MYO1D: variants seen among roughly 807,000 people sequenced by gnomAD.
The protein encoded by MYO1D is myosin ID, also known as unconventional myosin-Id.
MYO1D carries 83 observed loss-of-function variants against 122.0 expected under a neutral mutation model. The ratio of observed to expected loss-of-function variants is 0.68; its 90% confidence interval spans 0.57 to 0.82. MYO1D has a LOEUF of 0.82. MYO1D is among the 40% of genes least tolerant of loss of function. The pLI is 0.00. For synonymous variants in MYO1D, 464 were observed against 446.9 expected (o/e 1.04, Z -0.48); for missense variants, 1,157 against 1,269.5 (o/e 0.91, Z 1.35).
chr17:32,814,067 C>T (rs560369341), intron 1 of MYO1D, among the ~76,000 whole-genome samples: 56 of 152,256 alleles, frequency 3.7e-4, no homozygotes, highest in Admixed American at 1.1e-3. Flanking sequence ...CACTTCTTGC[C>T]AGGAGTGGTG....
At chr17:32,587,817 CCTT>C (rs2087404401) in intron 21 of MYO1D, among the ~76,000 whole-genome samples, 1 of 152,208 alleles carries the variant, frequency 6.6e-6, no homozygotes, top group Non-Finnish European at 1.5e-5. Context: ...CACAGACTCT[CCTT>C]TCTTCCCTTC....
At chr17:32,725,468 C>T (rs987364231) in intron 14 of MYO1D, among the ~76,000 whole-genome samples, 1 of 151,716 alleles carries the variant, frequency 6.6e-6, no homozygotes, top group East Asian at 1.9e-4. Context: ...TTGCAGTGAG[C>T]TGAGATCGCG....
At chr17:32,553,889 C>T (rs1335601377) in intron 21 of MYO1D, among the ~76,000 whole-genome samples, 1 of 152,184 alleles carries the variant, frequency 6.6e-6, no homozygotes. Context: ...CCCGTTCTCA[C>T]TGCTTAGATA....
intron 3 of MYO1D, 134 bp downstream of exon 3, chr17:32,778,346 G>T: frequency 1.6e-6 from 1 of 636,184 alleles, no homozygotes; most frequent in Non-Finnish European, 2.8e-6. Flanking sequence ...AATCAAAGTA[G>T]CTTAATCATC....
intron 1 of MYO1D, among the ~76,000 whole-genome samples, chr17:32,871,642 C>T (rs542343936): frequency 2.0e-5 from 3 of 152,176 alleles, no homozygotes; most frequent in Non-Finnish European, 4.4e-5. Flanking sequence ...GGAAGTCTAA[C>T]GTATATTTCA....
intron 16 of MYO1D, among the ~76,000 whole-genome samples, chr17:32,667,554 T>C (rs1002440287): frequency 3.9e-5 from 6 of 152,124 alleles, no homozygotes; most frequent in Non-Finnish European, 8.8e-5. Flanking sequence ...AATAAACAAA[T>C]GTAAAAATCA....
rs1399550423 is a variant in MYO1D at position 32,760,667 on chromosome 17, GA to G, written c.1036-41del. 1.9e-6 allele frequency: 3 copies of G among 1,577,322 alleles called. No homozygotes were observed. The African/African-American group carries it at 4.1e-5, about 21-fold the overall frequency. On this transcript the variant is annotated intron_variant, in intron 8 of 21. Coordinates refer to ENST00000318217, the MANE Select transcript of MYO1D (RefSeq NM_015194.3). ...GCATCATAAATGCTTGCCAATTTGG[GA>G]ATGAGTCCTCTGTTTGGATTTGTGA...
rs538794961 is a variant in MYO1D, at chr17:32,625,175, C to G, written c.2709+13547G>C. 5.9e-5 allele frequency among the ~76,000 whole-genome samples: 9 copies of G among 152,308 alleles called. No individual in the cohort carries two copies. In the South Asian group the frequency reaches 8.3e-4, roughly 14 times the overall value. On this transcript the variant is annotated intron_variant, in intron 20 of 21. Transcript: ENST00000318217. ...TACAAACACTCTCATCTTGATTATT[C>G]AGTTTCCTGCGGGCATACAAGTCAC...
chr17:32,836,198 T>C (rs2090821345), intron 1 of MYO1D, among the ~76,000 whole-genome samples: 1 of 152,230 alleles, frequency 6.6e-6, no homozygotes, highest in Non-Finnish European at 1.5e-5. Flanking sequence ...TGACAGTAAC[T>C]GCCATTTTTA....
rs147718787 is a variant in MYO1D at position 32,800,455 on chromosome 17, A to G, written c.96-19671T>C. Among the ~76,000 whole-genome samples, 248 of 152,306 alleles carry G rather than the reference A, an allele frequency of 1.6e-3. 2 individuals are homozygous for G. The highest frequency in any genetic ancestry group is 5.7e-3 in the African/African-American group (235 of 41,564). On this transcript the variant is annotated intron_variant, in intron 1 of 21. Transcript: ENST00000318217. ...TAGAATAAGCCAGGCAGAGAGAGAC[A>G]AATACCACATGACCACACTTACATG...
intron 20 of MYO1D, among the ~76,000 whole-genome samples, chr17:32,631,408 G>A (rs1396823017): frequency 6.6e-6 from 1 of 152,194 alleles, no homozygotes; most frequent in Admixed American, 6.5e-5. Flanking sequence ...TGGGATTTGA[G>A]GCTGAGGCAG....
rs1354684490 is a variant in MYO1D at position 32,548,542 on chromosome 17, G to A, written c.2865-53627C>T. ...TAGAGCTAGGTTAAGAGCTGTCTGA[G>A]CTCCTCAAGAAGACCTCAGCAGGTC... On this transcript the variant is annotated intron_variant, in intron 21 of 21. Transcript: ENST00000318217. 3.3e-5 allele frequency among the ~76,000 whole-genome samples: 5 copies of A among 152,028 alleles called. No individual in the cohort carries two copies. In the South Asian group the frequency reaches 8.3e-4, roughly 25 times the overall value.
At chr17:32,843,470 G>C (rs547333891) in intron 1 of MYO1D, among the ~76,000 whole-genome samples, 147 of 152,284 alleles carry the variant, frequency 9.7e-4, no homozygotes, top group Non-Finnish European at 1.8e-3. Flanking sequence ...AATGTCAAAT[G>C]AATCAAATGG....
chr17:32,805,196 T>G (rs1185895504), intron 1 of MYO1D, among the ~76,000 whole-genome samples: 1 of 152,196 alleles, frequency 6.6e-6, no homozygotes, highest in African/African-American at 2.4e-5. Context: ...AAATCTGCTA[T>G]CAATATCTTG....
intron 20 of MYO1D, among the ~76,000 whole-genome samples, chr17:32,605,695 C>A (rs2087619114): frequency 6.6e-6 from 1 of 152,018 alleles, no homozygotes; most frequent in African/African-American, 2.4e-5. Flanking sequence ...GGAAGAGGGG[C>A]CATCTCTATA....
chr17:32,681,232 T>A (rs1017475923), intron 16 of MYO1D, among the ~76,000 whole-genome samples: 1 of 151,902 alleles, frequency 6.6e-6, no homozygotes, highest in Non-Finnish European at 1.5e-5. Flanking sequence ...TTCGAAGGGT[T>A]TTTTATGTCT....
chr17:32,737,198 TAA>T (rs1481185400), intron 14 of MYO1D, among the ~76,000 whole-genome samples: 1 of 152,000 alleles, frequency 6.6e-6, no homozygotes, highest in Non-Finnish European at 1.5e-5. Flanking sequence ...ATGAAGAAAC[TAA>T]AAATAACATG....
At chr17:32,854,942 A>C (rs537181117) in intron 1 of MYO1D, among the ~76,000 whole-genome samples, 3 of 152,186 alleles carry the variant, frequency 2.0e-5, no homozygotes, top group Non-Finnish European at 4.4e-5. Flanking sequence ...GTATGTGTAC[A>C]TGTGTGAGTG....
At chr17:32,592,197 C>A (rs28485401) in intron 21 of MYO1D, among the ~76,000 whole-genome samples, 5 of 152,150 alleles carry the variant, frequency 3.3e-5, no homozygotes, top group Admixed American at 6.5e-5. Context: ...AATGGTTTAG[C>A]ACCAGGTTCC....
Sources: gnomAD v4.1 joint callset for allele counts (sites outside exome capture counted in the v4.1 genomes callset) on GRCh38, gnomAD v4.1.1 for gene constraint, MANE v1.5 for transcripts, NCBI Gene and HGNC (gene_info 2026-07-23, HGNC 2026-07-21) for gene names.